The following MED4 variants were observed in gnomAD, a reference collection of about 807,000 sequenced individuals.
MED4 encodes the protein mediator of RNA polymerase II transcription subunit 4.
A neutral mutation model predicts 35.0 loss-of-function variants in MED4; 21 were observed. The observed-to-expected ratio is 0.60, with a 90% CI of 0.43 to 0.86. The LOEUF (loss-of-function observed/expected upper bound fraction) is 0.86, where lower values mean the gene tolerates loss of function less well. Among genes scored for constraint, MED4 ranks in the 40% least tolerant of loss-of-function variants. The pLI is 0.00. For missense variants in MED4, 300 were observed against 319.4 expected (o/e 0.94, Z 0.46); for synonymous variants, 138 against 114.0 (o/e 1.21, Z -1.34).
chr13:48,093,462 C>T (rs775753263), intron 1 of MED4: 4 of 324,996 alleles, frequency 1.2e-5, no homozygotes, highest in Non-Finnish European at 2.0e-5. Context: ...GATTTTTCTT[C>T]TCATTTTCAT....
intron 1 of MED4, 138 bp downstream of exon 1, chr13:48,094,816 A>G: frequency 7.9e-7 from 1 of 1,273,578 alleles, no homozygotes; most frequent in Non-Finnish European, 1.1e-6. Context: ...CCCCACGTCC[A>G]TGACCCTCAT....
intron 2 of MED4, among the ~76,000 whole-genome samples, chr13:48,089,745 G>C (rs1018421366): frequency 1.3e-5 from 2 of 152,090 alleles, no homozygotes; most frequent in Non-Finnish European, 2.9e-5. Flanking sequence ...GCGAGAACTT[G>C]TCTCAAAAAA....
At chr13:48,085,049 T>C (rs564728303) in intron 3 of MED4, among the ~76,000 whole-genome samples, 1 of 151,906 alleles carries the variant, frequency 6.6e-6, no homozygotes, top group South Asian at 2.1e-4. Context: ...TTTGTATTTT[T>C]AGTAGAGATG....
intron 3 of MED4, among the ~76,000 whole-genome samples, chr13:48,085,843 T>A (rs1950844502): frequency 6.6e-6 from 1 of 152,110 alleles, no homozygotes; most frequent in Non-Finnish European, 1.5e-5. Context: ...ACTAAATTAA[T>A]GTCAATTTTA....
At chr13:48,087,879 T>C (rs996113237) in intron 2 of MED4, among the ~76,000 whole-genome samples, 3 of 151,056 alleles carry the variant, frequency 2.0e-5, no homozygotes, top group Non-Finnish European at 3.0e-5. Flanking sequence ...AGTGATTTCA[T>C]AAAACAGTAA....
At position 48,095,056 on chromosome 13, in the gene MED4, T is replaced by C. The variant is rs1263794037; in HGVS notation, c.23A>G (p.Glu8Gly). The change falls in exon 1 of 7, where the codon GAG becomes GGG. Residue 8 changes from glutamate (E) to glycine (G), a missense_variant. Transcript: ENST00000258648. ...GCCTCCCAGCCGCTCCTTCTCCTTC[T>C]CACCACTCGAAGACGCAGCCATTTT... is the stretch of plus-strand genomic sequence containing the variant. MAASSSGEKEKERLGGGL... is the reference protein window; with the variant it reads MAASSSGGKEKERLGGGL... The C allele has an allele frequency of 6.2e-7, 1 of 1,605,284 alleles. No individual in the cohort carries two copies. Among genetic ancestry groups the C allele is most frequent in the South Asian group, 1.1e-5 (1 of 91,086 alleles).
Position 48,075,871 on chromosome 13 carries a change from C to T in MED4, c.*1268G>A, listed in dbSNP as rs1320324456. The T allele has an allele frequency of 1.3e-5, 2 of 151,924 alleles. No individual in the cohort carries two copies. Among genetic ancestry groups the T allele is most frequent in the Non-Finnish European group, 2.9e-5 (2 of 67,984 alleles). 9.4% of individuals were successfully genotyped at this position (151,924 alleles called of 1,614,324 possible). On this transcript the variant is annotated 3_prime_UTR_variant, in exon 7 of 7. Transcript: ENST00000258648. ...GGAAAGACATTCAAACATTGTATGT[C>T]CTTAATTCTAGATGGTGAAAATATA...
intron 4 of MED4, 66 bp from the exon 5 acceptor site, chr13:48,081,797 C>G (rs940443422): frequency 4.2e-5 from 39 of 938,848 alleles, no homozygotes; most frequent in Non-Finnish European, 6.2e-5. Context: ...AGAAATGTAT[C>G]TATCAGTTAC....
Position 48,077,181 on chromosome 13 carries a change from A to C in MED4, c.771T>G (p.Ile257Met). ...TACTGCTTGAGGAGTCCGTTGACAT[A>C]ATCTCTACATCATCTTCATTTTCTT... is the stretch of plus-strand genomic sequence containing the variant. ...HNKENEDDVEIMSTDSSSSSS... is the reference protein window; with the variant it reads ...HNKENEDDVEMMSTDSSSSSS... The change falls in exon 7 of 7, where the codon ATT (isoleucine) becomes ATG (methionine). Residue 257 changes from isoleucine to methionine, a missense_variant. Ile to Met is a conservative substitution (Grantham distance 10). Coordinates refer to ENST00000258648, the MANE Select transcript of MED4 (RefSeq NM_014166.4). 6.2e-7 allele frequency: 1 copy of C among 1,609,684 alleles called. No individual in the cohort carries two copies. The highest frequency in any genetic ancestry group is 8.5e-7 in the Non-Finnish European group (1 of 1,178,574).
At chr13:48,089,625 G>A (rs1950876583) in intron 2 of MED4, among the ~76,000 whole-genome samples, 2 of 152,126 alleles carry the variant, frequency 1.3e-5, no homozygotes, top group African/African-American at 4.8e-5. Flanking sequence ...TATAGCGCAT[G>A]CCTATAGTCC....
intron 2 of MED4, among the ~76,000 whole-genome samples, chr13:48,089,142 T>C (rs1028346080): frequency 2.6e-5 from 4 of 152,192 alleles, no homozygotes; most frequent in East Asian, 1.9e-4. Context: ...CCTGAGAGAC[T>C]AGTAGTCTTC....
intron 3 of MED4, 137 bp downstream of exon 3, chr13:48,086,145 A>G: frequency 2.7e-6 from 2 of 745,192 alleles, no homozygotes; most frequent in Non-Finnish European, 4.4e-6. Flanking sequence ...AACCACTGGC[A>G]ATGGTGAGTG....
intron 1 of MED4, 140 bp downstream of exon 1, chr13:48,094,814 C>G (rs1179689252): frequency 4.8e-6 from 6 of 1,250,740 alleles, no homozygotes; most frequent in African/African-American, 3.0e-5. Flanking sequence ...GACCCCACGT[C>G]CATGACCCTC....
chr13:48,081,518 G>C (rs1950808019), intron 5 of MED4, 127 bp downstream of exon 5: 1 of 534,760 alleles, frequency 1.9e-6, no homozygotes, highest in African/African-American at 2.0e-5. Flanking sequence ...AACCATTAAA[G>C]ATGTGAAAAT....
chr13:48,081,652 C>T lies in MED4; in HGVS notation c.501G>A (p.Trp167Ter), dbSNP rs1950808975. ...TAAGACGAGTATGTTTACCTGGAAC[C>T]CAGGTCAGTGGAGCACATACAGCAT... ...ASNAVCAPLT[W>*]VPGDPRRPYP... is the part of the protein sequence containing the mutation. The change falls in exon 5 of 7, where the codon TGG becomes TGA. Residue 167 changes from tryptophan (W) to a stop codon, truncating the protein, a stop_gained. Coordinates refer to ENST00000258648, the MANE Select transcript of MED4 (RefSeq NM_014166.4). LOFTEE classifies it high-confidence loss of function. The T allele has an allele frequency of 1.2e-6, 2 of 1,608,530 alleles. No homozygotes were observed. Among genetic ancestry groups the T allele is most frequent in the South Asian group, 1.1e-5 (1 of 89,900 alleles).
intron 1 of MED4, among the ~76,000 whole-genome samples, 192 bp downstream of exon 1, chr13:48,094,762 T>A (rs1240132718): frequency 6.6e-6 from 1 of 151,844 alleles, no homozygotes; most frequent in Non-Finnish European, 1.5e-5. Flanking sequence ...TAAAATTCCC[T>A]CTAACGGGAA....
In MED4 at chr13:48,095,084, CCA is replaced by C. The variant is rs757231635; in HGVS notation, c.-8_-7del. On this transcript the variant is annotated 5_prime_UTR_variant, in exon 1 of 7. Coordinates refer to ENST00000258648, the MANE Select transcript of MED4 (RefSeq NM_014166.4). Reference sequence around the variant, plus strand: ...CCACTCGAAGACGCAGCCATTTTCCCCAGAGTCCCGCCACCGGCGCACGCGCA... The same window carrying C: ...CCACTCGAAGACGCAGCCATTTTCCCGAGTCCCGCCACCGGCGCACGCGCA... The C allele has an allele frequency of 3.7e-6, 6 of 1,602,294 alleles. No individual in the cohort carries two copies. In the East Asian group the frequency reaches 1.3e-4, roughly 36 times the overall value.
chr13:48,095,071 G>A lies in MED4; in HGVS notation c.8C>T (p.Ala3Val), dbSNP rs763845572. The A allele has an allele frequency of 5.0e-6, 8 of 1,603,564 alleles. No homozygotes were observed. Among genetic ancestry groups the A allele is most frequent in the Admixed American group, 3.3e-5 (2 of 60,010 alleles). The change falls in exon 1 of 7, where the codon GCG becomes GTG. Residue 3 changes from alanine to valine, a missense_variant. By Grantham distance (64) the Ala-to-Val change is moderately conservative. Coordinates refer to ENST00000258648, the MANE Select transcript of MED4 (RefSeq NM_014166.4). ...CTTCTCCTTCTCACCACTCGAAGAC[G>A]CAGCCATTTTCCCCAGAGTCCCGCC... Reference protein sequence around the residue: MAASSSGEKEKER... With the variant: MAVSSSGEKEKER...
At chr13:48,090,231 G>T in intron 2 of MED4, 121 bp downstream of exon 2, 1 of 738,376 alleles carries the variant, frequency 1.4e-6, no homozygotes. Context: ...TAACTTAAAA[G>T]GATCCAACAT....
Sources: gnomAD v4.1 joint callset for allele counts (sites outside exome capture counted in the v4.1 genomes callset) on GRCh38, gnomAD v4.1.1 for gene constraint, MANE v1.5 for transcripts, NCBI Gene and HGNC (gene_info 2026-07-23, HGNC 2026-07-21) for gene names.